The following HSD11B1 variants were observed in gnomAD, a reference collection of about 807,000 sequenced individuals.
The protein encoded by HSD11B1 is hydroxysteroid 11-beta dehydrogenase 1, also known as 11-beta-hydroxysteroid dehydrogenase 1.
Under a neutral mutation model 22.1 loss-of-function variants are expected in HSD11B1, and 15 were observed. That is an observed-to-expected ratio of 0.68 (90% CI 0.45 to 1.04). The LOEUF is 1.04. Ranked by LOEUF, HSD11B1 falls within the 50% of genes least tolerant of loss-of-function variation. The pLI is 0.00. For missense variants in HSD11B1, 281 were observed against 357.6 expected (o/e 0.79, Z 1.73); for synonymous variants, 122 against 125.2 (o/e 0.97, Z 0.17).
intron 4 of HSD11B1, among the ~76,000 whole-genome samples, chr1:209,721,569 C>G (rs1571882655): frequency 6.6e-6 from 1 of 152,122 alleles, no homozygotes; most frequent in East Asian, 1.9e-4. Context: ...TCAGAGATCC[C>G]CTGCAGGAGA....
intron 4 of HSD11B1, among the ~76,000 whole-genome samples, chr1:209,712,854 G>A (rs897981081): frequency 3.3e-5 from 5 of 152,128 alleles, no homozygotes; most frequent in African/African-American, 9.7e-5. Context: ...TTTGAGACCA[G>A]CCTGGCCAAG....
In HSD11B1 at chr1:209,706,050, G is replaced by C; in HGVS notation, c.219+109G>C. 1 of 1,394,026 alleles carries C rather than the reference G, an allele frequency of 7.2e-7. No homozygotes were observed. Among genetic ancestry groups the C allele is most frequent in the South Asian group, 1.2e-5 (1 of 84,952 alleles). 86.4% of individuals were successfully genotyped at this position (1,394,026 alleles called of 1,614,324 possible). A position where few individuals can be genotyped will look rare whatever the true frequency, so the allele number is the denominator to read the frequency against. On this transcript the variant is annotated intron_variant, in intron 2 of 5. Coordinates refer to ENST00000367027, the MANE Select transcript of HSD11B1 (RefSeq NM_005525.4). The surrounding 1 kb of genome is among the most constrained non-coding windows in gnomAD (Gnocchi z 4.0). ...GCATATCGCAGATCTATATACAGAG[G>C]CACATGCACACACACAGACACTTAA...
intron 4 of HSD11B1, among the ~76,000 whole-genome samples, chr1:209,730,816 C>T (rs1176164276): frequency 6.6e-6 from 1 of 152,158 alleles, no homozygotes; most frequent in Non-Finnish European, 1.5e-5. Context: ...CCGATAACTG[C>T]AAGAGTGGCA....
intron 4 of HSD11B1, among the ~76,000 whole-genome samples, chr1:209,731,348 A>C (rs1242234401): frequency 2.0e-5 from 3 of 152,226 alleles, no homozygotes; most frequent in Non-Finnish European, 4.4e-5. Context: ...AATGTGACAG[A>C]ATCCAGGTAC....
chr1:209,710,774 C>A (rs2076890133), intron 4 of HSD11B1, among the ~76,000 whole-genome samples: 1 of 152,128 alleles, frequency 6.6e-6, no homozygotes, highest in Non-Finnish European at 1.5e-5. Flanking sequence ...ATAAAAGAAC[C>A]TTGTCAATAA....
intron 1 of HSD11B1, 111 bp from the exon 2 acceptor site, chr1:209,705,700 C>A: frequency 3.7e-6 from 5 of 1,334,964 alleles, no homozygotes; most frequent in Non-Finnish European, 5.3e-6. Context: ...CTGATCTGGG[C>A]TCATAACCTT....
At chr1:209,727,691 A>G (rs2077012253) in intron 4 of HSD11B1, among the ~76,000 whole-genome samples, 1 of 152,178 alleles carries the variant, frequency 6.6e-6, no homozygotes, top group South Asian at 2.1e-4. Context: ...CCACTCATTA[A>G]CCTTGAAACT....
chr1:209,688,995 T>C lies in HSD11B1; in HGVS notation c.-49+2710T>C, dbSNP rs1000765308. 1.8e-4 allele frequency among the ~76,000 whole-genome samples: 27 copies of C among 152,062 alleles called. 1 individual carries two copies. The highest frequency in any genetic ancestry group is 1.7e-3 in the Admixed American group (26 of 15,268). On this transcript the variant is annotated intron_variant, in intron 1 of 6. Transcript: ENST00000261465. ...TTGGAGGAACAGGTGGGGGTAAACA[T>C]AGCAGAAGACCCTTGGCCTCTACAG...
At chr1:209,733,137 G>C (rs114594184) in intron 5 of HSD11B1, among the ~76,000 whole-genome samples, 2 of 152,074 alleles carry the variant, frequency 1.3e-5, no homozygotes, top group South Asian at 4.1e-4. Flanking sequence ...TGGCCATTAC[G>C]TTTCTATATG....
At position 209,728,956 on chromosome 1, in the gene HSD11B1, T is replaced by C. The variant is rs539103677; in HGVS notation, c.518-3480T>C. Reference sequence around the variant, plus strand: ...AGCTCATACCTGCAGTTAGGAATGATGTCAGCTTTCTTTTGGCACATGGGC... The same window carrying C: ...AGCTCATACCTGCAGTTAGGAATGACGTCAGCTTTCTTTTGGCACATGGGC... On this transcript the variant is annotated intron_variant, in intron 4 of 5. Coordinates refer to ENST00000367027, the MANE Select transcript of HSD11B1 (RefSeq NM_005525.4). Among the ~76,000 whole-genome samples the C allele has an allele frequency of 3.1e-4, 47 of 152,326 alleles. 1 individual carries two copies. The highest frequency in any genetic ancestry group is 7.8e-4 in the Admixed American group (12 of 15,298).
At chr1:209,732,752 C>T (rs118048491) in intron 5 of HSD11B1, among the ~76,000 whole-genome samples, 173 bp downstream of exon 5, 1,815 of 151,808 alleles carry the variant, frequency 0.012, 77 homozygotes, top group East Asian at 0.11. Context: ...TCCCCCTTCC[C>T]CCCACCCAAC....
At chr1:209,703,064 T>C (rs1235529832), upstream of HSD11B1, among the ~76,000 whole-genome samples, 1 of 152,230 alleles carries the variant, frequency 6.6e-6, no homozygotes, top group Non-Finnish European at 1.5e-5. Flanking sequence ...AATCAGCAAT[T>C]GTTAATGCAT....
intron 4 of HSD11B1, among the ~76,000 whole-genome samples, chr1:209,726,605 A>C (rs947730460): frequency 6.6e-6 from 1 of 152,204 alleles, no homozygotes; most frequent in Non-Finnish European, 1.5e-5. Flanking sequence ...AACAAAAAAA[A>C]AACTTTTTTA....
At chr1:209,689,928 TA>T (rs1350898874) in intron 1 of HSD11B1, among the ~76,000 whole-genome samples, 2 of 152,090 alleles carry the variant, frequency 1.3e-5, no homozygotes, top group African/African-American at 4.8e-5. Context: ...GCCAAAGAAA[TA>T]ATTATCAGTA....
intron 4 of HSD11B1, among the ~76,000 whole-genome samples, chr1:209,729,716 A>G (rs2077024365): frequency 6.6e-6 from 1 of 152,202 alleles, no homozygotes; most frequent in African/African-American, 2.4e-5. Context: ...ATGAACACAG[A>G]TGCAAAAATC....
intron 1 of HSD11B1, among the ~76,000 whole-genome samples, chr1:209,687,562 GC>G (rs1372691855): frequency 6.6e-6 from 1 of 152,162 alleles, no homozygotes; most frequent in Non-Finnish European, 1.5e-5. Context: ...CTCCTTGTTT[GC>G]CAGATGAGGG....
intron 4 of HSD11B1, among the ~76,000 whole-genome samples, chr1:209,732,163 C>G (rs116766086): frequency 3.8e-4 from 58 of 152,296 alleles, no homozygotes; most frequent in African/African-American, 1.4e-3. Context: ...AATTACATGG[C>G]TCTTTTGTAG....
chr1:209,731,117 T>C (rs1341590634), intron 4 of HSD11B1, among the ~76,000 whole-genome samples: 1 of 152,258 alleles, frequency 6.6e-6, no homozygotes, highest in Non-Finnish European at 1.5e-5. Context: ...GGGGTTATGC[T>C]GGAAAGGAGA....
chr1:209,717,030 G>A (rs1048438719), intron 4 of HSD11B1, among the ~76,000 whole-genome samples: 8 of 151,922 alleles, frequency 5.3e-5, no homozygotes, highest in African/African-American at 1.9e-4. Context: ...AAAAGCACAG[G>A]CAAAAACAAA....
Sources: allele counts gnomAD v4.1 joint callset (sites outside exome capture counted in the v4.1 genomes callset), GRCh38; gene constraint gnomAD v4.1.1; non-coding constraint Gnocchi (gnomAD v3.1); transcripts MANE v1.5; gene names NCBI Gene and HGNC (gene_info 2026-07-23, HGNC 2026-07-21).